The following PREPL variants were observed in gnomAD, a reference collection of about 807,000 sequenced individuals.
PREPL encodes the protein prolyl endopeptidase-like.
Under a neutral mutation model 70.6 loss-of-function variants are expected in PREPL, and 77 were observed. The observed-to-expected ratio is 1.09, with a 90% CI of 0.91 to 1.32. PREPL has a LOEUF of 1.32. Among genes scored for constraint, PREPL ranks in the 40% most tolerant of loss-of-function variants. PREPL has a pLI of 0.00. For missense variants in PREPL, 1,002 were observed against 778.2 expected (o/e 1.29, Z -3.42); for synonymous variants, 315 against 264.8 (o/e 1.19, Z -1.84).
At position 44,319,841 on chromosome 2, in the gene PREPL, G is replaced by C; in HGVS notation, c.*1515C>G. On this transcript the variant is annotated 3_prime_UTR_variant, in exon 14 of 14. Coordinates refer to ENST00000409411, the MANE Select transcript of PREPL (RefSeq NM_001171613.2). ...ACTGTTGCCTTCTTTCTGGCCATCT[G>C]GCAGTTACAATATAGCACAGAATGA... The C allele has an allele frequency of 4.9e-6, 1 of 202,328 alleles. No homozygotes were observed. The highest frequency in any genetic ancestry group is 1.3e-4 in the East Asian group (1 of 7,958). 12.5% of individuals were successfully genotyped at this position (202,328 alleles called of 1,614,324 possible).
chr2:44,321,187 G>C lies in PREPL; in HGVS notation c.*169C>G, dbSNP rs1037318150. On this transcript the variant is annotated 3_prime_UTR_variant, in exon 14 of 14. Coordinates refer to ENST00000409411, the MANE Select transcript of PREPL (RefSeq NM_001171613.2). ...GGCATGTGCATCAATGGAGAGAATA[G>C]TATAAGCAAGTGAGATGTAGACTAA... is the stretch of plus-strand genomic sequence containing the variant. 4 of 621,658 alleles carry C rather than the reference G, an allele frequency of 6.4e-6. No individual in the cohort carries two copies. The African/African-American group carries it at 7.4e-5, about 12-fold the overall frequency. 38.5% of individuals were successfully genotyped at this position (621,658 alleles called of 1,614,324 possible). A position where few individuals can be genotyped will look rare whatever the true frequency, so the allele number is the denominator to read the frequency against.
chr2:44,332,157 AG>A (rs1425300207), intron 8 of PREPL, among the ~76,000 whole-genome samples: 2 of 152,052 alleles, frequency 1.3e-5, no homozygotes, highest in African/African-American at 4.8e-5. Context: ...CGTGTTAGCC[AG>A]GATGGTCTCG....
At chr2:44,356,586 C>G (rs374510967) in intron 1 of PREPL, among the ~76,000 whole-genome samples, 1 of 152,070 alleles carries the variant, frequency 6.6e-6, no homozygotes, top group South Asian at 2.1e-4. Context: ...GTGTAGGCCT[C>G]AACCATAGAG....
In PREPL at chr2:44,346,724, T is replaced by C. The variant is rs139365281; in HGVS notation, c.-48-334A>G. ...AATTTATACACAATTAAGGAGAAAA[T>C]AAAATTCCATGAACTTTTACATATT... On this transcript the variant is annotated intron_variant, in intron 1 of 13. Transcript: ENST00000409411. Among the ~76,000 whole-genome samples the C allele has an allele frequency of 1.8e-4, 27 of 151,956 alleles. No homozygotes were observed. The East Asian group carries it at 4.8e-3, about 27-fold the overall frequency.
At chr2:44,340,590 T>C (rs887624772) in intron 5 of PREPL, among the ~76,000 whole-genome samples, 9 of 152,124 alleles carry the variant, frequency 5.9e-5, no homozygotes, top group African/African-American at 1.9e-4. Context: ...ATTTTAAACT[T>C]TGAATGTAGC....
rs1442119091 is a variant in PREPL at position 44,319,216 on chromosome 2, A to G, written c.*2140T>C. 1 of 152,644 alleles carries G rather than the reference A, an allele frequency of 6.6e-6. No homozygotes were observed. Among genetic ancestry groups the G allele is most frequent in the Non-Finnish European group, 1.5e-5 (1 of 68,032 alleles). The allele number at this position is 152,644 out of a possible 1,614,324, so 9.5% of individuals were successfully genotyped here. On this transcript the variant is annotated 3_prime_UTR_variant, in exon 14 of 14. Coordinates refer to ENST00000409411, the MANE Select transcript of PREPL (RefSeq NM_001171613.2). ...CCCCTAAAGAACAATAACAACCACA[A>G]TAACAACTATCACCCCAGTAAACAT...
intron 7 of PREPL, among the ~76,000 whole-genome samples, chr2:44,336,030 C>G (rs1444250515): frequency 6.6e-6 from 1 of 151,936 alleles, no homozygotes; most frequent in Non-Finnish European, 1.5e-5. Flanking sequence ...GTTAGAATGA[C>G]TGTAGTTAAA....
intron 10 of PREPL, among the ~76,000 whole-genome samples, chr2:44,323,817 A>C (rs1374354054): frequency 6.6e-6 from 1 of 152,226 alleles, no homozygotes; most frequent in Non-Finnish European, 1.5e-5. Flanking sequence ...ATCCTGATAC[A>C]CTGGTGGTTG....
intron 1 of PREPL, chr2:44,359,791 T>A (rs892498309): frequency 5.8e-6 from 6 of 1,031,790 alleles, no homozygotes; most frequent in African/African-American, 3.2e-5. Flanking sequence ...GATTACAGAG[T>A]AGTGGGTTCT....
intron 8 of PREPL, among the ~76,000 whole-genome samples, chr2:44,331,714 T>C (rs1194952441): frequency 1.3e-5 from 2 of 152,164 alleles, no homozygotes; most frequent in Non-Finnish European, 2.9e-5. Context: ...ATGTCCTCCT[T>C]TGCAGCAGTC....
At chr2:44,331,646 C>G (rs1344579676) in intron 8 of PREPL, among the ~76,000 whole-genome samples, 1 of 152,154 alleles carries the variant, frequency 6.6e-6, no homozygotes, top group Admixed American at 6.5e-5. Flanking sequence ...GAGAAAACTT[C>G]CCTGATCTCT....
rs1334184899 is a variant in PREPL, at chr2:44,344,047, G to GT, written c.143-97dup. ...TGTTTTAAATTAGAATTCCCATTCT[G>GT]TAAGAGGCCATATCCTAGCTTCTTT... On this transcript the variant is annotated intron_variant, in intron 3 of 13. Transcript: ENST00000409411. 51 of 1,391,112 alleles carry GT rather than the reference G, an allele frequency of 3.7e-5. 1 individual carries two copies. Among genetic ancestry groups the GT allele is most frequent in the Non-Finnish European group, 4.8e-5 (51 of 1,053,986 alleles). The allele number at this position is 1,391,112 out of a possible 1,614,324, so 86.2% of individuals were successfully genotyped here.
chr2:44,321,531 T>G, intron 13 of PREPL, 86 bp from the exon 14 acceptor site: 1 of 1,540,716 alleles, frequency 6.5e-7, no homozygotes. Context: ...TATCCATCTT[T>G]ACCTAACCGT....
At chr2:44,325,030 T>A (rs1021960929) in intron 10 of PREPL, among the ~76,000 whole-genome samples, 1 of 152,224 alleles carries the variant, frequency 6.6e-6, no homozygotes, top group Non-Finnish European at 1.5e-5. Flanking sequence ...ATTAACCAAG[T>A]ATAGTGAGTC....
chr2:44,325,350 G>C (rs1673389559), intron 10 of PREPL, among the ~76,000 whole-genome samples: 1 of 152,238 alleles, frequency 6.6e-6, no homozygotes, highest in South Asian at 2.1e-4. Flanking sequence ...AGTGTGAGGT[G>C]ATTTGTGCTT....
chr2:44,351,222 A>T (rs113514550), intron 1 of PREPL, among the ~76,000 whole-genome samples: 3,780 of 151,640 alleles, frequency 0.025, 173 homozygotes, highest in African/African-American at 0.088. Context: ...GGCGTGAGCC[A>T]CTGGGCCTGG....
In PREPL at chr2:44,319,974, GC is replaced by G. The variant is rs1462634723; in HGVS notation, c.*1381del. The stretch of plus-strand genomic sequence containing the variant: ...ACTCTACAATGTAGCAGAGCACTGT[GC>G]GTACTTATTGACTCCCAGACAAGCC... On this transcript the variant is annotated 3_prime_UTR_variant, in exon 14 of 14. Coordinates refer to ENST00000409411, the MANE Select transcript of PREPL (RefSeq NM_001171613.2). 1 of 541,070 alleles carries G rather than the reference GC, an allele frequency of 1.8e-6. No individual in the cohort carries two copies. Among genetic ancestry groups the G allele is most frequent in the Non-Finnish European group, 3.3e-6 (1 of 303,394 alleles). The allele number at this position is 541,070 out of a possible 1,614,324, so 33.5% of individuals were successfully genotyped here.
At chr2:44,358,492 G>T (rs979122616) in intron 1 of PREPL, among the ~76,000 whole-genome samples, 2 of 152,168 alleles carry the variant, frequency 1.3e-5, no homozygotes, top group African/African-American at 4.8e-5. Context: ...AACATAAGAA[G>T]TAAAAGGTAG....
chr2:44,333,150 G>T (rs1674293461), intron 7 of PREPL, among the ~76,000 whole-genome samples: 1 of 152,142 alleles, frequency 6.6e-6, no homozygotes, highest in Non-Finnish European at 1.5e-5. Context: ...CTATAAACGG[G>T]CTCAGCAGCA....
Sources: allele counts gnomAD v4.1 joint callset (sites outside exome capture counted in the v4.1 genomes callset), GRCh38; gene constraint gnomAD v4.1.1; transcripts MANE v1.5; gene names NCBI Gene and HGNC (gene_info 2026-07-23, HGNC 2026-07-21).